CDH12: variants seen among roughly 807,000 people sequenced by gnomAD.
CDH12 encodes cadherin-12.
Under a neutral mutation model 74.1 loss-of-function variants are expected in CDH12, and 41 were observed. That is an observed-to-expected ratio of 0.55 (90% CI 0.43 to 0.72). CDH12 has a LOEUF of 0.72. CDH12 is among the 30% of genes least tolerant of loss of function. CDH12 has a pLI of 0.00. For synonymous variants in CDH12, 399 were observed against 355.0 expected, an observed-to-expected ratio of 1.12 and a Z score of -1.39; for missense variants, 945 against 977.2, an observed-to-expected ratio of 0.97 and a Z score of 0.44.
intron 3 of CDH12, among the ~76,000 whole-genome samples, chr5:22,364,284 T>C (rs151336906): frequency 7.0e-6 from 1 of 142,486 alleles, no homozygotes; most frequent in African/African-American, 2.4e-5. Flanking sequence ...GTGCCCTTAA[T>C]AGGAGCGATG....
At chr5:22,707,049 A>C (rs1338841665) in intron 1 of CDH12, among the ~76,000 whole-genome samples, 1 of 152,076 alleles carries the variant, frequency 6.6e-6, no homozygotes, top group Non-Finnish European at 1.5e-5. Flanking sequence ...TCCCATTTGA[A>C]CTGATCAGTC....
chr5:21,853,186 T>A (rs1750565331), intron 7 of CDH12, among the ~76,000 whole-genome samples: 1 of 151,546 alleles, frequency 6.6e-6, no homozygotes. Flanking sequence ...AAACATTTTC[T>A]TATCTTTACT....
chr5:22,141,740 G>A (rs574755947), intron 4 of CDH12, among the ~76,000 whole-genome samples: 3 of 152,078 alleles, frequency 2.0e-5, no homozygotes, highest in South Asian at 2.1e-4. Context: ...AGAATTTAGC[G>A]ATTCACTGAT....
chr5:21,894,471 T>C (rs1753035934), intron 6 of CDH12, among the ~76,000 whole-genome samples: 1 of 151,660 alleles, frequency 6.6e-6, no homozygotes, highest in African/African-American at 2.4e-5. Flanking sequence ...TATACAAATG[T>C]ATTAAGTTAT....
intron 3 of CDH12, among the ~76,000 whole-genome samples, chr5:22,318,186 T>C (rs936521490): frequency 6.6e-6 from 1 of 152,228 alleles, no homozygotes; most frequent in Non-Finnish European, 1.5e-5. Flanking sequence ...CTCATGTGTT[T>C]AAGTTTCATT....
intron 4 of CDH12, among the ~76,000 whole-genome samples, chr5:22,211,772 A>C (rs1751558253): frequency 6.6e-6 from 1 of 151,038 alleles, no homozygotes; most frequent in African/African-American, 2.4e-5. Flanking sequence ...AACATAAAAA[A>C]GATTTTTTTA....
chr5:22,247,201 G>A (rs1175327596), intron 3 of CDH12, among the ~76,000 whole-genome samples: 1 of 152,170 alleles, frequency 6.6e-6, no homozygotes, highest in Non-Finnish European at 1.5e-5. Flanking sequence ...ACTGGCTAGT[G>A]TCAGAAACAT....
intron 3 of CDH12, among the ~76,000 whole-genome samples, chr5:22,344,871 T>C (rs1740042075): frequency 6.6e-6 from 1 of 152,186 alleles, no homozygotes; most frequent in African/African-American, 2.4e-5. Flanking sequence ...AATGTGTGTA[T>C]GTCTGTGAGT....
chr5:22,340,657 GTATACCAT>G (rs1439318083), intron 3 of CDH12, among the ~76,000 whole-genome samples: 1 of 151,896 alleles, frequency 6.6e-6, no homozygotes, highest in African/African-American at 2.4e-5. Context: ...TTTAATAAAT[GTATACCAT>G]TACAAGCTGT....
chr5:22,695,202 G>A (rs1313303573), intron 1 of CDH12, among the ~76,000 whole-genome samples: 2 of 152,078 alleles, frequency 1.3e-5, no homozygotes, highest in Non-Finnish European at 2.9e-5. Context: ...GTATCCCATG[G>A]TGTATATGTG....
chr5:22,830,910 T>C (rs908419319), intron 1 of CDH12, among the ~76,000 whole-genome samples: 1 of 151,672 alleles, frequency 6.6e-6, no homozygotes, highest in Non-Finnish European at 1.5e-5. Context: ...TTAAATATGC[T>C]AAAAAATGAA....
chr5:22,834,633 G>A (rs1487797851), intron 1 of CDH12, among the ~76,000 whole-genome samples: 3 of 152,100 alleles, frequency 2.0e-5, no homozygotes, highest in Non-Finnish European at 4.4e-5. Context: ...GAGATCAAGT[G>A]TCTTGGAAGC....
intron 2 of CDH12, among the ~76,000 whole-genome samples, chr5:22,502,921 T>C (rs1736232245): frequency 6.6e-6 from 1 of 152,118 alleles, no homozygotes; most frequent in African/African-American, 2.4e-5. Flanking sequence ...TGATATCATA[T>C]ATCTTTGTGC....
At chr5:22,417,584 A>C (rs184646272) in intron 2 of CDH12, among the ~76,000 whole-genome samples, 1 of 152,320 alleles carries the variant, frequency 6.6e-6, no homozygotes, top group Admixed American at 6.5e-5. Context: ...CATTCTTACA[A>C]ATATCTAGTC....
chr5:21,817,465 TA>T (rs1374404472), intron 8 of CDH12, among the ~76,000 whole-genome samples: 1 of 151,928 alleles, frequency 6.6e-6, no homozygotes, highest in Non-Finnish European at 1.5e-5. Flanking sequence ...TTCATGAAAT[TA>T]ATTGGTACTA....
chr5:22,220,075 C>T (rs1751959412), intron 3 of CDH12, among the ~76,000 whole-genome samples: 1 of 151,562 alleles, frequency 6.6e-6, no homozygotes, highest in Non-Finnish European at 1.5e-5. Context: ...GATGTTTCTA[C>T]TAAAAAGGTA....
At chr5:22,481,156 C>T (rs1746369388) in intron 2 of CDH12, among the ~76,000 whole-genome samples, 1 of 152,122 alleles carries the variant, frequency 6.6e-6, no homozygotes, top group South Asian at 2.1e-4. Context: ...TGAGATATCG[C>T]CTCATGCCTG....
At position 22,557,333 on chromosome 5, in the gene CDH12, G is replaced by A. The variant is rs192958455; in HGVS notation, c.-522-51969C>T. ...ATGAAAGTATAACAATGCAATTTTC[G>A]TAACAGATTGATTTACAGAGATTGG... On this transcript the variant is annotated intron_variant, in intron 1 of 14. Coordinates refer to ENST00000382254, the MANE Select transcript of CDH12 (RefSeq NM_004061.5). 4.1e-3 allele frequency among the ~76,000 whole-genome samples: 620 copies of A among 152,094 alleles called. 5 individuals carry two copies. The Middle Eastern group carries it at 0.041, about 10-fold the overall frequency.
At chr5:21,991,855 T>A (rs1241390366) in intron 5 of CDH12, among the ~76,000 whole-genome samples, 1 of 151,974 alleles carries the variant, frequency 6.6e-6, no homozygotes, top group African/African-American at 2.4e-5. Context: ...TGAGTCAAGT[T>A]TTTTTGTCAA....
Sources: allele counts gnomAD v4.1 joint callset (sites outside exome capture counted in the v4.1 genomes callset), GRCh38; gene constraint gnomAD v4.1.1; transcripts MANE v1.5; gene names NCBI Gene and HGNC (gene_info 2026-07-23, HGNC 2026-07-21).